TNFSF4: variants seen among roughly 807,000 people sequenced by gnomAD.
TNFSF4 encodes the protein TNF superfamily member 4.
Under a neutral mutation model 7.3 loss-of-function variants are expected in TNFSF4, and 4 were observed. The ratio of observed to expected loss-of-function variants is 0.55; its 90% CI spans 0.27 to 1.25. The LOEUF is 1.25. TNFSF4 is among the 50% of genes most tolerant of loss of function. The probability of loss-of-function intolerance (pLI) is 0.12; values close to 1 mark genes in which losing one functional copy is unlikely to be tolerated. For missense variants in TNFSF4, 181 were observed against 208.8 expected (o/e 0.87, Z 0.82); for synonymous variants, 76 against 83.7 (o/e 0.91, Z 0.50).
At chr1:173,428,736 G>A in the TNFSF4 span, among the ~76,000 whole-genome samples, 12 of 152,198 alleles carry the variant, frequency 7.9e-5, no homozygotes, top group African/African-American at 2.9e-4. Flanking sequence ...TGGGAGCAGT[G>A]GCTCATGCCT....
the TNFSF4 span, among the ~76,000 whole-genome samples, chr1:173,408,005 A>G: frequency 3.3e-5 from 5 of 152,104 alleles, no homozygotes; most frequent in African/African-American, 1.2e-4. Context: ...AAAGTTGGCA[A>G]TCTGCATCTC....
the TNFSF4 span, among the ~76,000 whole-genome samples, chr1:173,353,471 A>G: frequency 6.6e-6 from 1 of 152,182 alleles, no homozygotes; most frequent in Non-Finnish European, 1.5e-5. Flanking sequence ...GTGCGTGTGC[A>G]TGTGTGTATG....
chr1:173,365,490 T>C, the TNFSF4 span, among the ~76,000 whole-genome samples: 2 of 152,220 alleles, frequency 1.3e-5, no homozygotes, highest in Non-Finnish European at 2.9e-5. Context: ...CTTTCATATA[T>C]CAACTGTAAA....
At chr1:173,203,418 G>A (rs1169412600) in intron 1 of TNFSF4, among the ~76,000 whole-genome samples, 1 of 152,116 alleles carries the variant, frequency 6.6e-6, no homozygotes, top group East Asian at 1.9e-4. Flanking sequence ...AAATTCAAAT[G>A]CCTTTGAAAT....
At chr1:173,186,977 G>T (rs1649256000) in intron 2 of TNFSF4, 112 bp from the exon 3 acceptor site, 1 of 733,230 alleles carries the variant, frequency 1.4e-6, no homozygotes, top group Non-Finnish European at 2.2e-6. Context: ...GAGAGATTTT[G>T]AAAAGAGTAA....
At chr1:173,363,364 A>G in the TNFSF4 span, 8 of 316,430 alleles carry the variant, frequency 2.5e-5, no homozygotes, top group Non-Finnish European at 1.9e-5. Context: ...CTGAGATATC[A>G]GTTCTTGATT....
chr1:173,441,030 C>T, the TNFSF4 span, among the ~76,000 whole-genome samples: 143 of 152,160 alleles, frequency 9.4e-4, 1 homozygote, highest in African/African-American at 3.3e-3. Flanking sequence ...AAAATAAAAG[C>T]TTAGAATATT....
chr1:173,297,754 G>T, the TNFSF4 span, among the ~76,000 whole-genome samples: 1 of 151,966 alleles, frequency 6.6e-6, no homozygotes, highest in Non-Finnish European at 1.5e-5. Context: ...TAGATGGGTT[G>T]TTGGAAGGAA....
the TNFSF4 span, among the ~76,000 whole-genome samples, chr1:173,369,965 C>T: frequency 6.6e-6 from 1 of 152,158 alleles, no homozygotes; most frequent in East Asian, 1.9e-4. Context: ...TGATGAGCCT[C>T]CTCTAATCTC....
chr1:173,398,507 C>T, the TNFSF4 span, among the ~76,000 whole-genome samples: 642 of 148,644 alleles, frequency 4.3e-3, 4 homozygotes, highest in South Asian at 0.015. Context: ...TTACTGCAAG[C>T]TCTGCCTCCC....
At chr1:173,189,781 A>G (rs951914792) in intron 1 of TNFSF4, among the ~76,000 whole-genome samples, 3 of 152,222 alleles carry the variant, frequency 2.0e-5, no homozygotes, top group South Asian at 4.1e-4. Flanking sequence ...ACAAGACACT[A>G]GTTGCAAATG....
chr1:173,313,222 T>C, the TNFSF4 span, among the ~76,000 whole-genome samples: 43 of 152,244 alleles, frequency 2.8e-4, no homozygotes, highest in African/African-American at 9.4e-4. Context: ...ATACAGTTTA[T>C]TTTTTTCTTC....
chr1:173,197,386 A>T (rs576654546), intron 1 of TNFSF4, among the ~76,000 whole-genome samples: 7 of 152,350 alleles, frequency 4.6e-5, no homozygotes, highest in Admixed American at 2.6e-4. Context: ...ACATGCACAC[A>T]TATGTTCATT....
chr1:173,310,242 T>C, the TNFSF4 span, among the ~76,000 whole-genome samples: 2 of 151,952 alleles, frequency 1.3e-5, no homozygotes, highest in African/African-American at 2.4e-5. Context: ...ACAAGTTTAT[T>C]TACTTTGAGA....
the TNFSF4 span, among the ~76,000 whole-genome samples, chr1:173,382,874 T>TCACACACACA: frequency 1.6e-4 from 15 of 91,278 alleles, no homozygotes; most frequent in Admixed American, 1.5e-3. Flanking sequence ...TTTACTGTTT[T>TCACACACACA]CACACACACA....
At chr1:173,404,833 T>A in the TNFSF4 span, among the ~76,000 whole-genome samples, 12 of 152,224 alleles carry the variant, frequency 7.9e-5, no homozygotes, top group Non-Finnish European at 1.2e-4. Flanking sequence ...GGTTTCACCA[T>A]GTTGGCCAAG....
chr1:173,297,786 A>T, the TNFSF4 span, among the ~76,000 whole-genome samples: 2 of 151,996 alleles, frequency 1.3e-5, no homozygotes, highest in Non-Finnish European at 2.9e-5. Context: ...GGGGAGCAGA[A>T]TATGCTACAG....
At chr1:173,402,195 C>A in the TNFSF4 span, among the ~76,000 whole-genome samples, 1 of 152,174 alleles carries the variant, frequency 6.6e-6, no homozygotes. Context: ...TCTTCCCACA[C>A]CTCAGCCAAA....
chr1:173,265,129 A>G, the TNFSF4 span, among the ~76,000 whole-genome samples: 1 of 152,176 alleles, frequency 6.6e-6, no homozygotes, highest in Non-Finnish European at 1.5e-5. Flanking sequence ...GACCCCGCAG[A>G]AGTTTTTACT....
Sources: gnomAD v4.1 joint callset for allele counts (sites outside exome capture counted in the v4.1 genomes callset) on GRCh38, gnomAD v4.1.1 for gene constraint, MANE v1.5 for transcripts, NCBI Gene and HGNC (gene_info 2026-07-23, HGNC 2026-07-21) for gene names.